The following GOLM1 variants were observed in gnomAD, a reference collection of about 807,000 sequenced individuals.
GOLM1 encodes golgi membrane protein 1, also known as epididymis luminal protein 46.
Under a neutral mutation model 50.5 loss-of-function variants are expected in GOLM1, and 31 were observed. The ratio of observed to expected loss-of-function variants is 0.61; its 90% CI spans 0.46 to 0.83. The LOEUF (loss-of-function observed/expected upper bound fraction) is 0.83. Among genes scored for constraint, GOLM1 ranks in the 40% least tolerant of loss-of-function variants. The pLI is 0.00. For missense variants in GOLM1, 491 were observed against 501.3 expected (o/e 0.98, Z 0.20); for synonymous variants, 178 against 192.8 (o/e 0.92, Z 0.64).
chr9:86,079,085 C>G, intron 2 of GOLM1, 107 bp downstream of exon 2: 1 of 1,059,620 alleles, frequency 9.4e-7, no homozygotes, highest in Non-Finnish European at 1.3e-6. Context: ...GTGCCCTGCA[C>G]AAAACGCCCT....
intron 1 of GOLM1, among the ~76,000 whole-genome samples, chr9:86,087,729 G>A (rs1198291204): frequency 1.3e-5 from 2 of 152,176 alleles, no homozygotes; most frequent in Non-Finnish European, 2.9e-5. Context: ...TTCTGTTTAT[G>A]TGATGGATTA....
intron 3 of GOLM1, among the ~76,000 whole-genome samples, chr9:86,053,579 C>CAT (rs1198738048): frequency 6.1e-3 from 46 of 7,496 alleles, no homozygotes; most frequent in East Asian, 0.049. Context: ...ATCACACACA[C>CAT]CACACACCAC....
chr9:86,067,705 A>C (rs1013039697), intron 3 of GOLM1, among the ~76,000 whole-genome samples: 1 of 152,186 alleles, frequency 6.6e-6, no homozygotes, highest in Non-Finnish European at 1.5e-5. Context: ...GAATGACCTC[A>C]TTTAGAAACA....
At chr9:86,066,260 C>T (rs1054507214) in intron 3 of GOLM1, among the ~76,000 whole-genome samples, 2 of 152,152 alleles carry the variant, frequency 1.3e-5, no homozygotes, top group Non-Finnish European at 2.9e-5. Flanking sequence ...AAGAGAAAAG[C>T]ACTGTAAACA....
intron 1 of GOLM1, among the ~76,000 whole-genome samples, chr9:86,083,995 C>T (rs1316237541): frequency 6.6e-6 from 1 of 152,148 alleles, no homozygotes; most frequent in Non-Finnish European, 1.5e-5. Context: ...GTCCTAGATC[C>T]TCCTGGGGCT....
chr9:86,033,444 G>A (rs778002577), intron 8 of GOLM1, 49 bp from the exon 9 acceptor site: 3 of 1,134,356 alleles, frequency 2.6e-6, no homozygotes, highest in Admixed American at 1.8e-5. Flanking sequence ...CTGTCTTGAT[G>A]TCACAGGACT....
intron 4 of GOLM1, among the ~76,000 whole-genome samples, chr9:86,048,202 C>T (rs1410805433): frequency 6.6e-6 from 1 of 152,138 alleles, no homozygotes; most frequent in African/African-American, 2.4e-5. Flanking sequence ...AGGACATAAA[C>T]TCATCCATTT....
At chr9:86,051,402 C>A (rs1833746161) in intron 4 of GOLM1, among the ~76,000 whole-genome samples, 2 of 152,152 alleles carry the variant, frequency 1.3e-5, no homozygotes, top group Non-Finnish European at 2.9e-5. Context: ...GAGCTGAGTT[C>A]AAGTCCTGGA....
chr9:86,040,155 T>C (rs959763682), intron 6 of GOLM1, among the ~76,000 whole-genome samples: 3 of 152,060 alleles, frequency 2.0e-5, no homozygotes, highest in Non-Finnish European at 2.9e-5. Context: ...TGTTCTGAAA[T>C]TGACTGTGGT....
intron 6 of GOLM1, among the ~76,000 whole-genome samples, chr9:86,038,414 C>T (rs144702776): frequency 1.8e-3 from 280 of 152,228 alleles, no homozygotes; most frequent in African/African-American, 5.9e-3. Context: ...AGAGCTCCTG[C>T]GGGCATATTA....
intron 1 of GOLM1, among the ~76,000 whole-genome samples, chr9:86,084,666 TGATA>T (rs1834895968): frequency 6.6e-6 from 1 of 152,230 alleles, no homozygotes; most frequent in South Asian, 2.1e-4. Context: ...AAAAATTATT[TGATA>T]GATCTTAACC....
intron 9 of GOLM1, among the ~76,000 whole-genome samples, chr9:86,031,629 T>C (rs796596493): frequency 5.9e-5 from 9 of 151,752 alleles, no homozygotes; most frequent in African/African-American, 2.2e-4. Flanking sequence ...GCCTGGCTAA[T>C]TTTCTTGTAT....
intron 7 of GOLM1, 81 bp from the exon 8 acceptor site, chr9:86,035,706 G>T: frequency 1.6e-6 from 2 of 1,258,156 alleles, no homozygotes; most frequent in Non-Finnish European, 2.2e-6. Flanking sequence ...AAAACCTGGT[G>T]CCACTCAATT....
chr9:86,033,265 GT>G lies in GOLM1; in HGVS notation c.1129+16del, dbSNP rs777112400. On this transcript the variant is annotated intron_variant, in intron 9 of 9. Coordinates refer to ENST00000388712, the MANE Select transcript of GOLM1 (RefSeq NM_016548.4). ...AATGAAAGGTGACCTCGTCACCGATGTAGGCCCCATTCTTACCATCTATGTT... is the reference window on the plus strand; with the variant it reads ...AATGAAAGGTGACCTCGTCACCGATGAGGCCCCATTCTTACCATCTATGTT... The G allele has an allele frequency of 1.6e-5, 22 of 1,371,432 alleles. No individual in the cohort carries two copies. In the East Asian group the frequency reaches 5.0e-4, roughly 31 times the overall value. 85.0% of individuals were successfully genotyped at this position (1,371,432 alleles called of 1,614,324 possible).
rs74457723 is a variant in GOLM1, at chr9:86,046,729, C to G, written c.365-157G>C. ...AGAGAAAAAGCTGAAAACACAGTCCCTCCCCAGAGTCACTAAACCCCAGCT... is the reference window on the plus strand; with the variant it reads ...AGAGAAAAAGCTGAAAACACAGTCCGTCCCCAGAGTCACTAAACCCCAGCT... On this transcript the variant is annotated intron_variant, in intron 4 of 9. Transcript: ENST00000388712. Among the ~76,000 whole-genome samples, 13 of 152,310 alleles carry G rather than the reference C, an allele frequency of 8.5e-5. No individual in the cohort carries two copies. In the East Asian group the frequency reaches 2.5e-3, roughly 29 times the overall value.
chr9:86,029,826 CA>C (rs1395161775), intron 9 of GOLM1, among the ~76,000 whole-genome samples: 1 of 152,210 alleles, frequency 6.6e-6, no homozygotes, highest in African/African-American at 2.4e-5. Context: ...TGCACAAGGT[CA>C]AGTCCTTAGG....
In GOLM1 at chr9:86,027,274, C is replaced by T. The variant is rs1587688029; in HGVS notation, c.*543G>A. 5 of 985,454 alleles carry T rather than the reference C, an allele frequency of 5.1e-6. No homozygotes were observed. Among genetic ancestry groups the T allele is most frequent in the South Asian group, 4.7e-5 (1 of 21,288 alleles). 61.0% of individuals were successfully genotyped at this position (985,454 alleles called of 1,614,324 possible). ...AAAGCTGTTGCTACTTTGCTAGTGACGTTTGTGTTAACAGTCAGTGCTCTA... is the reference window on the plus strand; with the variant it reads ...AAAGCTGTTGCTACTTTGCTAGTGATGTTTGTGTTAACAGTCAGTGCTCTA... On this transcript the variant is annotated 3_prime_UTR_variant, in exon 10 of 10. Transcript: ENST00000388712.
chr9:86,047,089 CCA>C (rs1833571716), intron 4 of GOLM1, among the ~76,000 whole-genome samples: 1 of 152,214 alleles, frequency 6.6e-6, no homozygotes, highest in Non-Finnish European at 1.5e-5. Context: ...CACAGCCAAG[CCA>C]CTCTCCAAGG....
At chr9:86,057,292 A>C (rs1834022006) in intron 3 of GOLM1, among the ~76,000 whole-genome samples, 1 of 152,286 alleles carries the variant, frequency 6.6e-6, no homozygotes, top group Non-Finnish European at 1.5e-5. Context: ...CAAAGCAACA[A>C]ATCTACAATA....
Sources: allele counts gnomAD v4.1 joint callset (sites outside exome capture counted in the v4.1 genomes callset), GRCh38; gene constraint gnomAD v4.1.1; transcripts MANE v1.5; gene names NCBI Gene and HGNC (gene_info 2026-07-23, HGNC 2026-07-21).